The following CPAP variants were observed in gnomAD, a reference collection of about 807,000 sequenced individuals.
CPAP encodes the protein centrosome assembly and centriole elongation protein.
At chr13:24,903,553 T>TA in the CPAP span, among the ~76,000 whole-genome samples, 1 of 152,220 alleles carries the variant, frequency 6.6e-6, no homozygotes, top group African/African-American at 2.4e-5. Context: ...ACTTTGGACT[T>TA]ACAGCCTCCA....
At chr13:24,884,962 A>C in the CPAP span, among the ~76,000 whole-genome samples, 1 of 152,244 alleles carries the variant, frequency 6.6e-6, no homozygotes, top group Non-Finnish European at 1.5e-5. Context: ...TTTCCTAAGC[A>C]TAAGAATAAA....
chr13:24,902,034 C>T, the CPAP span, among the ~76,000 whole-genome samples: 2 of 152,070 alleles, frequency 1.3e-5, no homozygotes, highest in African/African-American at 2.4e-5. Context: ...AGAGCCCATA[C>T]AGTAGAGCCC....
At chr13:24,888,586 A>T in the CPAP span, among the ~76,000 whole-genome samples, 1 of 151,898 alleles carries the variant, frequency 6.6e-6, no homozygotes, top group South Asian at 2.1e-4. Context: ...AGTAAAAAAA[A>T]CTGGTACAAC....
At chr13:24,910,172 A>G in the CPAP span, 1,641 of 1,181,328 alleles carry the variant, frequency 1.4e-3, 3 homozygotes, top group Non-Finnish European at 1.8e-3. Context: ...CCCCACAAAG[A>G]CTTCTCCACA....
the CPAP span, chr13:24,906,109 A>T: frequency 6.2e-7 from 1 of 1,612,892 alleles, no homozygotes; most frequent in Non-Finnish European, 8.5e-7. Context: ...TCTCACGTGC[A>T]GTGTGGTCCA....
chr13:24,902,786 T>C, the CPAP span, among the ~76,000 whole-genome samples: 4 of 152,100 alleles, frequency 2.6e-5, no homozygotes, highest in Non-Finnish European at 5.9e-5. Flanking sequence ...TGGGGAGTGC[T>C]AAAGAACAAA....
chr13:24,887,020 ATACC>A, the CPAP span, among the ~76,000 whole-genome samples: 2 of 152,172 alleles, frequency 1.3e-5, no homozygotes, highest in African/African-American at 4.8e-5. Context: ...CACCTTAAAA[ATACC>A]TACAACAGGA....
At chr13:24,883,311 A>G in the CPAP span, 1 of 1,613,858 alleles carries the variant, frequency 6.2e-7, no homozygotes, top group Admixed American at 1.7e-5. Flanking sequence ...CGTCTCTTGA[A>G]CTGGGCAGTA....
At chr13:24,899,670 A>G in the CPAP span, 3 of 988,246 alleles carry the variant, frequency 3.0e-6, no homozygotes, top group East Asian at 7.4e-5. Flanking sequence ...AGTAACTGCT[A>G]GTCCTAGTGA....
the CPAP span, among the ~76,000 whole-genome samples, chr13:24,903,482 C>G: frequency 1.2e-4 from 18 of 152,218 alleles, no homozygotes. Context: ...GAAATACCAA[C>G]GTGTGCCTGA....
the CPAP span, among the ~76,000 whole-genome samples, chr13:24,891,325 C>CA: frequency 6.6e-6 from 1 of 152,068 alleles, no homozygotes; most frequent in Non-Finnish European, 1.5e-5. Flanking sequence ...TGCTGTATCA[C>CA]ACATTGAGAC....
chr13:24,905,223 C>T, the CPAP span: 3 of 892,564 alleles, frequency 3.4e-6, no homozygotes, highest in East Asian at 2.5e-5. Context: ...ACAAATCACC[C>T]ATTAATTTGA....
the CPAP span, chr13:24,905,729 A>T: frequency 5.6e-6 from 9 of 1,614,198 alleles, no homozygotes; most frequent in Non-Finnish European, 7.6e-6. Flanking sequence ...TATGCTTTCC[A>T]TGATAGACTC....
the CPAP span, chr13:24,882,752 T>C: frequency 1.6e-5 from 3 of 185,926 alleles, no homozygotes; most frequent in Non-Finnish European, 3.4e-5. Flanking sequence ...TAACTGAACA[T>C]AGTAATATTT....
the CPAP span, among the ~76,000 whole-genome samples, chr13:24,896,861 G>C: frequency 6.6e-6 from 1 of 152,194 alleles, no homozygotes; most frequent in Non-Finnish European, 1.5e-5. Flanking sequence ...AACCCATCAT[G>C]TATTTTAGGC....
At chr13:24,912,193 C>A in the CPAP span, 2 of 869,502 alleles carry the variant, frequency 2.3e-6, no homozygotes, top group Non-Finnish European at 3.7e-6. Flanking sequence ...AGACAGGGAC[C>A]CCTAGGTAAC....
the CPAP span, chr13:24,903,959 C>A: frequency 3.7e-6 from 6 of 1,614,072 alleles, no homozygotes; most frequent in Non-Finnish European, 5.1e-6. Flanking sequence ...TCGTTCAATG[C>A]GAAGTTTAGC....
the CPAP span, chr13:24,899,281 TCAGA>T: frequency 4.4e-6 from 3 of 680,508 alleles, no homozygotes; most frequent in Admixed American, 2.5e-5. Flanking sequence ...ATACACTGTC[TCAGA>T]CAGATTATTT....
At chr13:24,909,983 C>T in the CPAP span, 9 of 1,614,074 alleles carry the variant, frequency 5.6e-6, no homozygotes, top group East Asian at 4.5e-5. Flanking sequence ...GGGTTGGGTC[C>T]GGGTAGACAT....
Sources: gnomAD v4.1 joint callset for allele counts (sites outside exome capture counted in the v4.1 genomes callset) on GRCh38, gnomAD v4.1.1 for gene constraint, MANE v1.5 for transcripts, NCBI Gene and HGNC (gene_info 2026-07-23, HGNC 2026-07-21) for gene names.